Variants in NECTIN3 observed in about 807,000 individuals in gnomAD.
NECTIN3 encodes nectin-3.
A neutral mutation model predicts 49.4 loss-of-function variants in NECTIN3; 8 were observed. The ratio of observed to expected loss-of-function variants is 0.16; its 90% CI spans 0.10 to 0.29. The LOEUF is 0.29. Ranked by LOEUF, NECTIN3 falls within the 10% of genes least tolerant of loss-of-function variation. The probability of loss-of-function intolerance (pLI) is 1.00; values close to 1 mark genes in which losing one functional copy is unlikely to be tolerated. For synonymous variants in NECTIN3, 277 were observed against 241.1 expected (o/e 1.15, Z -1.38); for missense variants, 581 against 654.6 (o/e 0.89, Z 1.23).
chr3:111,145,485 TAAG>T (rs998924841), intron 6 of NECTIN3, among the ~76,000 whole-genome samples: 9 of 152,322 alleles, frequency 5.9e-5, no homozygotes, highest in African/African-American at 2.2e-4. Flanking sequence ...AATTTTTTCT[TAAG>T]AAAAATACTC....
At chr3:111,072,235 G>A in intron 1 of NECTIN3, 58 bp downstream of exon 1, 2 of 1,492,330 alleles carry the variant, frequency 1.3e-6, no homozygotes, top group Non-Finnish European at 1.8e-6. Flanking sequence ...GGGTGCGGGC[G>A]CCGCGGCCGG....
chr3:111,141,528 T>C (rs922127559), downstream of NECTIN3, among the ~76,000 whole-genome samples: 2 of 152,006 alleles, frequency 1.3e-5, no homozygotes, highest in African/African-American at 2.4e-5. Context: ...TCATTTCTTA[T>C]ATTCATTTTT....
intron 1 of NECTIN3, chr3:111,074,122 C>T (rs577064367): frequency 4.4e-4 from 193 of 437,006 alleles, no homozygotes; most frequent in Non-Finnish European, 7.0e-4. Flanking sequence ...AGTGTTATAA[C>T]ACCCTAATTT....
chr3:111,108,996 T>C (rs1201981731), intron 1 of NECTIN3, among the ~76,000 whole-genome samples: 1 of 152,170 alleles, frequency 6.6e-6, no homozygotes, highest in Non-Finnish European at 1.5e-5. Context: ...ACAGCAGACA[T>C]TTATTTCTCA....
At chr3:111,121,918 G>T (rs997335823) in intron 3 of NECTIN3, among the ~76,000 whole-genome samples, 1 of 152,024 alleles carries the variant, frequency 6.6e-6, no homozygotes, top group Non-Finnish European at 1.5e-5. Flanking sequence ...TGCCTGTTTG[G>T]GGGGTACTCA....
upstream of NECTIN3, among the ~76,000 whole-genome samples, chr3:111,189,964 C>T (rs747723349): frequency 3.9e-5 from 6 of 152,140 alleles, no homozygotes; most frequent in African/African-American, 1.4e-4. Context: ...CCAGGTAGGA[C>T]CTGGGGCAGC....
rs954658192 is a variant in NECTIN3, at chr3:111,136,027, A to T, written c.*1812A>T. On this transcript the variant is annotated 3_prime_UTR_variant, in exon 6 of 6. Coordinates refer to ENST00000485303, the MANE Select transcript of NECTIN3 (RefSeq NM_015480.3). ...TTTTTAGTGCAAGTTTTTGGAAGAAAACTTTTTGATAAAACACTGTGATTG... is the reference window on the plus strand; with the variant it reads ...TTTTTAGTGCAAGTTTTTGGAAGAATACTTTTTGATAAAACACTGTGATTG... 17 of 978,040 alleles carry T rather than the reference A, an allele frequency of 1.7e-5. No homozygotes were observed. In the African/African-American group the frequency reaches 2.6e-4, roughly 15 times the overall value. 60.6% of individuals were successfully genotyped at this position (978,040 alleles called of 1,614,324 possible). A position where few individuals can be genotyped will look rare whatever the true frequency, so the allele number is the denominator to read the frequency against.
Position 111,117,241 on chromosome 3 carries a change from A to T in NECTIN3, c.503-1415A>T, listed in dbSNP as rs2033725238. ...GTTGAGTCAAAGAAAAAGTACAAAA[A>T]TACGTATGGTCCAATTCCATTCTTA... On this transcript the variant is annotated intron_variant, in intron 2 of 5. Transcript: ENST00000485303. 2.0e-5 allele frequency among the ~76,000 whole-genome samples: 3 copies of T among 152,254 alleles called. No individual in the cohort carries two copies. In the South Asian group the frequency reaches 6.2e-4, roughly 32 times the overall value.
intron 6 of NECTIN3, among the ~76,000 whole-genome samples, chr3:111,145,450 G>A (rs1032400109): frequency 6.6e-6 from 1 of 152,084 alleles, no homozygotes; most frequent in African/African-American, 2.4e-5. Flanking sequence ...GAACTATCAA[G>A]TTATTAAATA....
At chr3:111,077,124 T>G (rs2031259586) in intron 1 of NECTIN3, 3 of 370,666 alleles carry the variant, frequency 8.1e-6, no homozygotes, top group Non-Finnish European at 1.7e-5. Context: ...TCGCAGGTAT[T>G]ATAGTTATTT....
At chr3:111,102,125 A>G (rs746959580) in intron 1 of NECTIN3, among the ~76,000 whole-genome samples, 4 of 152,116 alleles carry the variant, frequency 2.6e-5, no homozygotes, top group Non-Finnish European at 5.9e-5. Flanking sequence ...ACCTGCACCT[A>G]ACAGGGTGAT....
chr3:111,133,973 G>T lies in NECTIN3; in HGVS notation c.1408G>T (p.Val470Leu). The T allele has an allele frequency of 6.2e-7, 1 of 1,612,976 alleles. No homozygotes were observed. The highest frequency in any genetic ancestry group is 8.5e-7 in the Non-Finnish European group (1 of 1,179,646). Reference protein sequence around the residue: ...QDELDSYPDSVKKENKNPVNN... With the variant: ...QDELDSYPDSLKKENKNPVNN... ...TGAGCTTGATTCTTACCCAGACAGT[G>T]TAAAAAAAGAAAACAAAAATCCAGT... is the stretch of plus-strand genomic sequence containing the variant. The change falls in exon 6 of 6, where the codon GTA becomes TTA. Residue 470 changes from valine to leucine, a missense_variant. Transcript: ENST00000485303.
intron 1 of NECTIN3, among the ~76,000 whole-genome samples, chr3:111,087,725 G>A (rs1328566657): frequency 2.6e-5 from 4 of 151,534 alleles, no homozygotes; most frequent in Non-Finnish European, 5.9e-5. Flanking sequence ...TTGAGACCGA[G>A]TCTTGTTCTG....
chr3:111,107,662 C>T (rs1205726659), intron 1 of NECTIN3, among the ~76,000 whole-genome samples: 1 of 152,086 alleles, frequency 6.6e-6, no homozygotes, highest in Non-Finnish European at 1.5e-5. Context: ...CCTTTCTGCT[C>T]TCCAGTTAAA....
chr3:111,075,163 A>G (rs767179802), intron 1 of NECTIN3: 1 of 152,140 alleles, frequency 6.6e-6, no homozygotes, highest in Non-Finnish European at 1.5e-5. Flanking sequence ...GGTTCGACCT[A>G]AAGGAAACAT....
upstream of NECTIN3, among the ~76,000 whole-genome samples, chr3:111,191,035 G>A (rs2035804563): frequency 6.6e-6 from 1 of 152,210 alleles, no homozygotes; most frequent in Admixed American, 6.5e-5. Context: ...AAAAGGGACA[G>A]TATGAGCAAA....
intron 1 of NECTIN3, among the ~76,000 whole-genome samples, chr3:111,076,245 G>T (rs1217704842): frequency 6.6e-6 from 1 of 152,068 alleles, no homozygotes; most frequent in Non-Finnish European, 1.5e-5. Flanking sequence ...AATTATTGAA[G>T]GGAAGCTGGT....
At chr3:111,193,304 C>CCCT (rs1328789072) in intron 1 of NECTIN3, 37 of 1,535,768 alleles carry the variant, frequency 2.4e-5, no homozygotes, top group Non-Finnish European at 3.1e-5. Context: ...GCTACCAAGA[C>CCCT]CGGAGCCCTG....
chr3:111,087,720 A>G (rs1036769109), intron 1 of NECTIN3, among the ~76,000 whole-genome samples: 1 of 151,376 alleles, frequency 6.6e-6, no homozygotes, highest in Non-Finnish European at 1.5e-5. Context: ...TTATTTTGAG[A>G]CCGAGTCTTG....
Sources: allele counts gnomAD v4.1 joint callset (sites outside exome capture counted in the v4.1 genomes callset), GRCh38; gene constraint gnomAD v4.1.1; transcripts MANE v1.5; gene names NCBI Gene and HGNC (gene_info 2026-07-23, HGNC 2026-07-21).